The following ANXA3 variants were observed in gnomAD, a reference collection of about 807,000 sequenced individuals.
ANXA3 encodes the protein annexin A3, also known as 35-alpha calcimedin.
Under a neutral mutation model 48.8 loss-of-function variants are expected in ANXA3, and 46 were observed. That is an observed-to-expected ratio of 0.94 (90% CI 0.74 to 1.21). ANXA3 has a LOEUF of 1.21. ANXA3 is among the 50% of genes most tolerant of loss of function. The pLI, the probability that ANXA3 is intolerant of heterozygous loss-of-function variation, is 0.00. For missense variants in ANXA3, 383 were observed against 378.6 expected, an observed-to-expected ratio of 1.01 and a Z score of -0.10; for synonymous variants, 128 against 134.7, an observed-to-expected ratio of 0.95 and a Z score of 0.35.
Position 78,590,863 on chromosome 4 carries a change from A to G in ANXA3, c.404-681A>G, listed in dbSNP as rs190624507. 7.1e-4 allele frequency among the ~76,000 whole-genome samples: 108 copies of G among 152,238 alleles called. 2 individuals carry two copies. Among genetic ancestry groups the G allele is most frequent in the Middle Eastern group, 3.4e-3 (1 of 294 alleles). On this transcript the variant is annotated intron_variant, in intron 6 of 12. Coordinates refer to ENST00000264908, the MANE Select transcript of ANXA3 (RefSeq NM_005139.3). ...TTATTTCTATCATATGTAGAAGTCT[A>G]GACATTGGCAATTCTAAGTCTAGTA...
chr4:78,560,894 A>G (rs749358534), intron 2 of ANXA3, among the ~76,000 whole-genome samples: 6 of 152,186 alleles, frequency 3.9e-5, no homozygotes, highest in Non-Finnish European at 8.8e-5. Flanking sequence ...AACTCACATT[A>G]AGGCACACAG....
intron 3 of ANXA3, 68 bp from the exon 4 acceptor site, chr4:78,578,959 C>A (rs967431791): frequency 1.1e-6 from 1 of 903,572 alleles, no homozygotes; most frequent in African/African-American, 1.6e-5. Flanking sequence ...GGCCATTGAT[C>A]ATTTTGCTTT....
At chr4:78,573,445 T>C (rs1451047314) in intron 3 of ANXA3, among the ~76,000 whole-genome samples, 178 bp downstream of exon 3, 2 of 152,216 alleles carry the variant, frequency 1.3e-5, no homozygotes, top group Non-Finnish European at 2.9e-5. Flanking sequence ...TCTTAACATT[T>C]ATCATATTTA....
At chr4:78,553,567 A>G (rs1436946634) in intron 1 of ANXA3, among the ~76,000 whole-genome samples, 7 of 152,208 alleles carry the variant, frequency 4.6e-5, no homozygotes, top group Non-Finnish European at 7.3e-5. Flanking sequence ...AGACTTCAGA[A>G]TAGTTTATCT....
chr4:78,594,230 G>A (rs950312001), intron 7 of ANXA3, among the ~76,000 whole-genome samples: 10 of 152,128 alleles, frequency 6.6e-5, no homozygotes, highest in African/African-American at 2.4e-4. Context: ...TGGCTTGATA[G>A]CTCATTTCTT....
At position 78,595,446 on chromosome 4, in the gene ANXA3, C is replaced by T. The variant is rs771431917; in HGVS notation, c.540+9C>T. ...CCAAACAAGATGCCCAGGTCAGTAA[C>T]AAAGCGGGAAAACATTTCCTTTACC... On this transcript the variant is annotated intron_variant, in intron 8 of 12. Transcript: ENST00000264908. 20 of 1,612,502 alleles carry T rather than the reference C, an allele frequency of 1.2e-5. No individual in the cohort carries two copies. The highest frequency in any genetic ancestry group is 1.7e-5 in the Admixed American group (1 of 59,660).
chr4:78,586,317 C>T lies in ANXA3; in HGVS notation c.370C>T (p.Gln124Ter), dbSNP rs556215545. 2.5e-6 allele frequency: 4 copies of T among 1,613,538 alleles called. No individual in the cohort carries two copies. In the South Asian group the frequency reaches 3.3e-5, roughly 13 times the overall value. Residue 124 changes from glutamine (Q) to a stop codon, truncating the protein, a stop_gained, in exon 6 of 13, where the codon CAA becomes TAA. Coordinates refer to ENST00000264908, the MANE Select transcript of ANXA3 (RefSeq NM_005139.3). LOFTEE classifies it high-confidence loss of function. ...IEILTTRTSR[Q>*]MKDISQAYYT... is the part of the protein sequence containing the mutation. ...AATCTTAACTACCAGGACAAGCAGG[C>T]AAATGAAGGATATCTCTCAAGCCTA...
chr4:78,578,468 A>T (rs1287991336), intron 3 of ANXA3, among the ~76,000 whole-genome samples: 1 of 152,060 alleles, frequency 6.6e-6, no homozygotes, highest in Admixed American at 6.5e-5. Flanking sequence ...GGGGTCAGAG[A>T]TTTGGGTTCA....
intron 1 of ANXA3, among the ~76,000 whole-genome samples, chr4:78,552,768 ATTAAAACG>A (rs1190461842): frequency 6.6e-6 from 1 of 152,224 alleles, no homozygotes; most frequent in Non-Finnish European, 1.5e-5. Flanking sequence ...AATGTAACTA[ATTAAAACG>A]TTACTCCATG....
rs1220106430 is a variant in ANXA3 at position 78,578,298 on chromosome 4, C to CGAGAGA, written c.104-702_104-697dup. On this transcript the variant is annotated intron_variant, in intron 3 of 12. Transcript: ENST00000264908. ...GAAAGGGCGAAGGGGAGAGAGAGAG[C>CGAGAGA]GAGAGAGAGAGAGAGAGAGAGAGAG... 8.5e-3 allele frequency among the ~76,000 whole-genome samples: 393 copies of CGAGAGA among 46,504 alleles called. 22 individuals are homozygous for CGAGAGA. Among genetic ancestry groups the CGAGAGA allele is most frequent in the Middle Eastern group, 0.034 (2 of 58 alleles). 30.5% of individuals were successfully genotyped at this position (46,504 alleles called of 152,430 possible). A position where few individuals can be genotyped will look rare whatever the true frequency, so the allele number is the denominator to read the frequency against.
At position 78,579,867 on chromosome 4, in the gene ANXA3, C is replaced by T. The variant is rs1043069738; in HGVS notation, c.198+746C>T. ...AGGAGAATTGCTTGAACCCGGGAGG[C>T]GGAGTCTTCAGTGAGCCGAGATTGA... On this transcript the variant is annotated intron_variant, in intron 4 of 12. Transcript: ENST00000264908. Among the ~76,000 whole-genome samples the T allele has an allele frequency of 1.8e-4, 28 of 152,136 alleles. No homozygotes were observed. The East Asian group carries it at 3.1e-3, about 17-fold the overall frequency.
chr4:78,586,173 A>G, intron 5 of ANXA3, 87 bp from the exon 6 acceptor site: 1 of 925,404 alleles, frequency 1.1e-6, no homozygotes. Context: ...GTGTCCTTTC[A>G]TCTATATAAA....
chr4:78,608,682 G>A (rs1243704388), intron 12 of ANXA3, among the ~76,000 whole-genome samples: 2 of 152,150 alleles, frequency 1.3e-5, no homozygotes, highest in Non-Finnish European at 2.9e-5. Flanking sequence ...AAAACAGACA[G>A]TGGCGCCATT....
chr4:78,561,127 A>G (rs1178998981), intron 2 of ANXA3, among the ~76,000 whole-genome samples: 1 of 152,164 alleles, frequency 6.6e-6, no homozygotes, highest in East Asian at 1.9e-4. Flanking sequence ...GAAGATACCG[A>G]AAAAGGGATC....
In ANXA3 at chr4:78,566,528, T is replaced by C. The variant is rs979160904; in HGVS notation, c.16-6652T>C. Among the ~76,000 whole-genome samples, 9 of 148,984 alleles carry C rather than the reference T, an allele frequency of 6.0e-5. No individual in the cohort carries two copies. The South Asian group carries it at 1.7e-3, about 28-fold the overall frequency. ...TGAAATCATGTCTTTTGCAGGAACA[T>C]GAATGGAACTGGAGGCCATTATCCT... On this transcript the variant is annotated intron_variant, in intron 2 of 12. Coordinates refer to ENST00000264908, the MANE Select transcript of ANXA3 (RefSeq NM_005139.3).
At chr4:78,555,849 T>C (rs1722502577) in intron 2 of ANXA3, among the ~76,000 whole-genome samples, 1 of 76,056 alleles carries the variant, frequency 1.3e-5, no homozygotes, top group South Asian at 5.4e-4. Context: ...AAACCCTATC[T>C]ATTAAAAAAA....
rs144797806 is a variant in ANXA3, at chr4:78,561,074, T to C, written c.15+6586T>C. Among the ~76,000 whole-genome samples the C allele has an allele frequency of 2.0e-4, 31 of 152,310 alleles. No homozygotes were observed. In the East Asian group the frequency reaches 5.4e-3, roughly 26 times the overall value. On this transcript the variant is annotated intron_variant, in intron 2 of 12. Coordinates refer to ENST00000264908, the MANE Select transcript of ANXA3 (RefSeq NM_005139.3). ...ATGAATTAATGTTTGGTAATAAATA[T>C]AGATTAGCAAGGCAGAATCATTCAA...
chr4:78,571,794 A>G (rs73828032), intron 2 of ANXA3, among the ~76,000 whole-genome samples: 5,389 of 152,166 alleles, frequency 0.035, 348 homozygotes, highest in African/African-American at 0.12. Context: ...TATTTTTTCT[A>G]TATTATGGTC....
chr4:78,568,000 C>G (rs116700961), intron 2 of ANXA3, among the ~76,000 whole-genome samples: 2,222 of 152,308 alleles, frequency 0.015, 60 homozygotes, highest in African/African-American at 0.051. Context: ...TTCTGTATGT[C>G]TCTGCCTTTA....
Sources: allele counts gnomAD v4.1 joint callset (sites outside exome capture counted in the v4.1 genomes callset), GRCh38; gene constraint gnomAD v4.1.1; transcripts MANE v1.5; gene names NCBI Gene and HGNC (gene_info 2026-07-23, HGNC 2026-07-21).